PI4KA: variants seen among roughly 807,000 people sequenced by gnomAD.
The protein encoded by PI4KA is phosphatidylinositol 4-kinase alpha.
Under a neutral mutation model 271.4 loss-of-function variants are expected in PI4KA, and 122 were observed. The observed-to-expected ratio is 0.45, with a 90% CI of 0.39 to 0.52. The LOEUF is 0.52. PI4KA is among the 20% of genes least tolerant of loss of function. The probability of loss-of-function intolerance (pLI) is 0.00; values close to 1 mark genes in which losing one functional copy is unlikely to be tolerated. For missense variants in PI4KA, 1,969 were observed against 2,769.1 expected, an observed-to-expected ratio of 0.71 and a Z score of 6.48; for synonymous variants, 1,041 against 1,078.8, an observed-to-expected ratio of 0.96 and a Z score of 0.69.
At position 20,734,144 on chromosome 22, in the gene PI4KA, C is replaced by T. The variant is rs1928410349; in HGVS notation, c.3951G>A (p.Val1317=). ...EIAKYCSSDQ[V]EIFSSLLQRS... ...GCTGCAGCAGGCTGGAGAAGATCTC[C>T]ACTTGGTCAGAGCTGCAGTACTTGG... is the stretch of plus-strand genomic sequence containing the variant. The change falls in exon 34 of 55, where the codon GTG becomes GTA. Residue 1317 remains valine (V), a synonymous_variant. Coordinates refer to ENST00000255882, the MANE Select transcript of PI4KA (RefSeq NM_058004.4). 1.3e-6 allele frequency: 2 copies of T among 1,569,986 alleles called. No homozygotes were observed. The highest frequency in any genetic ancestry group is 4.7e-5 in the East Asian group (2 of 42,280).
intron 9 of PI4KA, among the ~76,000 whole-genome samples, chr22:20,810,197 T>C (rs923954820): frequency 6.6e-6 from 1 of 151,976 alleles, no homozygotes; most frequent in Admixed American, 6.6e-5. Context: ...TAGGCCTTGG[T>C]TCCAAATACA....
Position 20,751,368 on chromosome 22 carries a change from G to A in PI4KA, c.3078C>T (p.His1026=). ...GGATGTCATAGTAAGGCTGATCCTT[G>A]TGAATATCCTGCAAGCACAGCAAGA... ...TLSLSLSADI[H]KDQPYYDIPD... Residue 1026 remains histidine (H), a synonymous_variant, in exon 27 of 55, where the codon CAC becomes CAT. Transcript: ENST00000255882. The A allele has an allele frequency of 6.2e-7, 1 of 1,613,724 alleles. No homozygotes were observed. Among genetic ancestry groups the A allele is most frequent in the Non-Finnish European group, 8.5e-7 (1 of 1,179,788 alleles).
intron 1 of PI4KA, among the ~76,000 whole-genome samples, chr22:20,853,765 T>C (rs899699032): frequency 1.3e-5 from 2 of 152,006 alleles, no homozygotes; most frequent in African/African-American, 2.4e-5. Context: ...TCACCAGACC[T>C]GAAATATGAG....
chr22:20,749,813 C>T lies in PI4KA; in HGVS notation c.3243+92G>A, dbSNP rs982654590. 3.0e-5 allele frequency: 23 copies of T among 757,066 alleles called. No homozygotes were observed. In the African/African-American group the frequency reaches 3.7e-4, roughly 12 times the overall value. 46.9% of individuals were successfully genotyped at this position (757,066 alleles called of 1,614,324 possible). ...CTTCCAGTCTCCATTCACACTAGTG[C>T]TATTTGGATTTTGAGTTCTTCATGT... On this transcript the variant is annotated intron_variant, in intron 28 of 54. Transcript: ENST00000255882.
chr22:20,727,177 G>A, intron 41 of PI4KA, 53 bp downstream of exon 41: 2 of 1,542,422 alleles, frequency 1.3e-6, no homozygotes, highest in South Asian at 2.4e-5. Flanking sequence ...CACCAGGTAA[G>A]ACCCCTCCCA....
At chr22:20,855,117 A>C (rs1051038935) in intron 1 of PI4KA, among the ~76,000 whole-genome samples, 1 of 149,854 alleles carries the variant, frequency 6.7e-6, no homozygotes, top group Non-Finnish European at 1.5e-5. Context: ...ATGCCACTGC[A>C]CTCCAGCCTG....
chr22:20,745,762 A>T (rs1929981583), intron 29 of PI4KA, among the ~76,000 whole-genome samples: 2 of 152,158 alleles, frequency 1.3e-5, no homozygotes, highest in African/African-American at 4.8e-5. Flanking sequence ...GCTCATCTGT[A>T]AAGTGGGCAT....
At position 20,818,528 on chromosome 22, in the gene PI4KA, G is replaced by A. The variant is rs868374370; in HGVS notation, c.811C>T (p.Pro271Ser). 2 of 1,560,480 alleles carry A rather than the reference G, an allele frequency of 1.3e-6. No individual in the cohort carries two copies. Among genetic ancestry groups the A allele is most frequent in the East Asian group, 2.5e-5 (1 of 40,012 alleles). Residue 271 changes from proline to serine, a missense_variant, in exon 7 of 55, where the codon CCC becomes TCC. Around this residue, in one of 13 missense-constraint regions of PI4KA, gnomAD observed 540 missense variants for 555.5 expected, o/e 0.97. Transcript: ENST00000255882. The part of the protein sequence containing the change: ...ISQVSPERGM[P>S]PPSSPGGSAF... ...GATCCTCCAGGGGAACTGGGAGGGGGCATGCCGCGTTCAGGGCTGACCTGA... is the reference window on the plus strand; with the variant it reads ...GATCCTCCAGGGGAACTGGGAGGGGACATGCCGCGTTCAGGGCTGACCTGA...
intron 6 of PI4KA, 64 bp downstream of exon 6, chr22:20,819,577 T>C: frequency 6.8e-7 from 1 of 1,463,714 alleles, no homozygotes; most frequent in East Asian, 2.3e-5. Context: ...AAGAGGGATT[T>C]TCTTCGCAGG....
chr22:20,846,918 T>C (rs965150430), intron 1 of PI4KA, among the ~76,000 whole-genome samples: 44 of 148,016 alleles, frequency 3.0e-4, no homozygotes, highest in African/African-American at 1.1e-3. Context: ...GAAGCCGAAG[T>C]GGGTGGATCA....
At chr22:20,785,147 G>A (rs755484395) in intron 19 of PI4KA, among the ~76,000 whole-genome samples, 28 of 147,744 alleles carry the variant, frequency 1.9e-4, no homozygotes, top group Non-Finnish European at 3.7e-4. Flanking sequence ...ATGGCTCACT[G>A]CAGCCTCAAC....
Position 20,782,427 on chromosome 22 carries a change from T to C in PI4KA, c.2328+10766A>G, listed in dbSNP as rs367918525. Among the ~76,000 whole-genome samples, 18 of 152,370 alleles carry C rather than the reference T, an allele frequency of 1.2e-4. No homozygotes were observed. The East Asian group carries it at 1.7e-3, about 15-fold the overall frequency. On this transcript the variant is annotated intron_variant, in intron 19 of 54. Coordinates refer to ENST00000255882, the MANE Select transcript of PI4KA (RefSeq NM_058004.4). Reference sequence around the variant, plus strand: ...AATGCTAGGAGTACCCAATCATTCATGGATGCTTCTCAAAGGGGACGAGTG... The same window carrying C: ...AATGCTAGGAGTACCCAATCATTCACGGATGCTTCTCAAAGGGGACGAGTG...
intron 32 of PI4KA, among the ~76,000 whole-genome samples, chr22:20,738,872 C>G (rs899426815): frequency 6.6e-6 from 1 of 151,904 alleles, no homozygotes; most frequent in African/African-American, 2.4e-5. Flanking sequence ...CCTGCCAAGA[C>G]CAGCTATTGA....
intron 3 of PI4KA, among the ~76,000 whole-genome samples, chr22:20,833,007 C>G (rs1924389701): frequency 6.6e-6 from 1 of 152,168 alleles, no homozygotes; most frequent in South Asian, 2.1e-4. Flanking sequence ...TCTTTCTTAT[C>G]TTCATTGGCT....
intron 19 of PI4KA, among the ~76,000 whole-genome samples, chr22:20,790,697 CAA>C (rs1491135582): frequency 3.6e-3 from 253 of 70,076 alleles, no homozygotes; most frequent in Non-Finnish European, 5.5e-3. Context: ...TTAAAAAAAA[CAA>C]ACACACACAC....
At chr22:20,797,899 C>T (rs1935076720) in intron 17 of PI4KA, among the ~76,000 whole-genome samples, 1 of 152,174 alleles carries the variant, frequency 6.6e-6, no homozygotes, top group Non-Finnish European at 1.5e-5. Flanking sequence ...CTCCTGTCCT[C>T]ATCTGACTTC....
chr22:20,711,208 G>A lies in PI4KA; in HGVS notation c.5923+133C>T. 4 of 582,030 alleles carry A rather than the reference G, an allele frequency of 6.9e-6. No individual in the cohort carries two copies. In the South Asian group the frequency reaches 7.3e-5, roughly 11 times the overall value. The allele number at this position is 582,030 out of a possible 1,614,324, so 36.1% of individuals were successfully genotyped here. A position where few individuals can be genotyped will look rare whatever the true frequency, so the allele number is the denominator to read the frequency against. On this transcript the variant is annotated intron_variant, in intron 51 of 54. Transcript: ENST00000255882. ...GAACAGCTTGGTGGCCGACAGTTCG[G>A]ACCTCAGAGCTGGACCCTGACACTC...
chr22:20,786,855 C>T (rs759953828), intron 19 of PI4KA: 2 of 1,613,920 alleles, frequency 1.2e-6, no homozygotes, highest in Non-Finnish European at 1.7e-6. Context: ...CAGAATCTGA[C>T]AACTTTCCTT....
Position 20,804,514 on chromosome 22 carries a change from C to T in PI4KA, c.1361-114G>A, listed in dbSNP as rs79064515. The T allele has an allele frequency of 1.9e-3, 1,413 of 748,932 alleles. 1 individual carries two copies. Among genetic ancestry groups the T allele is most frequent in the Non-Finnish European group, 2.7e-3 (1,148 of 428,280 alleles). 46.4% of individuals were successfully genotyped at this position (748,932 alleles called of 1,614,324 possible). A position where few individuals can be genotyped will look rare whatever the true frequency, so the allele number is the denominator to read the frequency against. ...TAAAACCCCAGAGACATACTTTAGGCAGGGCTTATTCATACTGAGAGGTCA... is the reference window on the plus strand; with the variant it reads ...TAAAACCCCAGAGACATACTTTAGGTAGGGCTTATTCATACTGAGAGGTCA... On this transcript the variant is annotated intron_variant, in intron 11 of 54. Transcript: ENST00000255882.
Sources: allele counts gnomAD v4.1 joint callset (sites outside exome capture counted in the v4.1 genomes callset), GRCh38; gene constraint gnomAD v4.1.1; regional missense constraint gnomAD v4.1.1; transcripts MANE v1.5; gene names NCBI Gene and HGNC (gene_info 2026-07-23, HGNC 2026-07-21).